The following LRBA variants were observed in gnomAD, a reference collection of about 807,000 sequenced individuals.
LRBA encodes the protein lipopolysaccharide-responsive and beige-like anchor protein.
A neutral mutation model predicts 330.0 loss-of-function variants in LRBA; 176 were observed. That is an observed-to-expected ratio of 0.53 (90% confidence interval 0.47 to 0.60). The LOEUF is 0.60. LRBA is among the 20% of genes least tolerant of loss of function. The pLI, the probability that LRBA is intolerant of heterozygous loss-of-function variation, is 0.00. For missense variants in LRBA, 3,259 were observed against 3,444.8 expected, an observed-to-expected ratio of 0.95 and a Z score of 1.35; for synonymous variants, 1,230 against 1,193.0, an observed-to-expected ratio of 1.03 and a Z score of -0.64.
At chr4:150,319,522 A>T (rs1185652442) in intron 50 of LRBA, among the ~76,000 whole-genome samples, 1 of 152,216 alleles carries the variant, frequency 6.6e-6, no homozygotes, top group Non-Finnish European at 1.5e-5. Flanking sequence ...TGTAATATTT[A>T]GTCCCAAAAT....
chr4:150,802,585 C>A (rs971319670), intron 33 of LRBA, among the ~76,000 whole-genome samples: 36 of 152,114 alleles, frequency 2.4e-4, no homozygotes, highest in African/African-American at 8.4e-4. Context: ...TTAATCCTTA[C>A]AAAGGGTTAT....
At chr4:150,564,796 T>C (rs1319803493) in intron 40 of LRBA, among the ~76,000 whole-genome samples, 1 of 152,112 alleles carries the variant, frequency 6.6e-6, no homozygotes, top group Non-Finnish European at 1.5e-5. Flanking sequence ...TCATCACTGA[T>C]CACTAGAGAA....
At chr4:150,892,339 G>T (rs1260567529) in intron 17 of LRBA, among the ~76,000 whole-genome samples, 1 of 152,132 alleles carries the variant, frequency 6.6e-6, no homozygotes, top group African/African-American at 2.4e-5. Context: ...TATTTGGAGA[G>T]GGAGCCTCTA....
chr4:150,718,966 T>C (rs916290047), intron 36 of LRBA, among the ~76,000 whole-genome samples: 5 of 152,042 alleles, frequency 3.3e-5, no homozygotes, highest in Admixed American at 2.6e-4. Flanking sequence ...TTCATGCTAT[T>C]TTCAAACTTA....
chr4:150,718,660 G>A (rs1289355075), intron 36 of LRBA, among the ~76,000 whole-genome samples: 1 of 152,064 alleles, frequency 6.6e-6, no homozygotes, highest in Non-Finnish European at 1.5e-5. Flanking sequence ...AAAATTTTAA[G>A]TAACAACAAT....
rs10685627 is a variant in LRBA, at chr4:150,592,144, G to GTTTTTTTTTTT, written c.6047-1296_6047-1286dup. 1.1e-3 allele frequency among the ~76,000 whole-genome samples: 71 copies of GTTTTTTTTTTT among 65,188 alleles called. 11 individuals carry two copies. The highest frequency in any genetic ancestry group is 4.0e-3 in the African/African-American group (58 of 14,524). The allele number at this position is 65,188 out of a possible 152,430, so 42.8% of individuals were successfully genotyped here. A position where few individuals can be genotyped will look rare whatever the true frequency, so the allele number is the denominator to read the frequency against. On this transcript the variant is annotated intron_variant, in intron 38 of 56. Coordinates refer to ENST00000651943, the MANE Select transcript of LRBA (RefSeq NM_001364905.1). ...TTGATATGGAAATCGGATGGCTAGG[G>GTTTTTTTTTTT]TTTTTTTTTTTTTTTTTTTTTTTTT...
intron 22 of LRBA, among the ~76,000 whole-genome samples, chr4:150,856,597 A>T (rs1362896736): frequency 2.0e-5 from 3 of 152,212 alleles, no homozygotes; most frequent in Non-Finnish European, 4.4e-5. Flanking sequence ...TAAAATTCTA[A>T]AGTCATTTGG....
At chr4:150,371,835 T>C (rs555467241) in intron 47 of LRBA, among the ~76,000 whole-genome samples, 96 of 152,316 alleles carry the variant, frequency 6.3e-4, no homozygotes, top group African/African-American at 2.2e-3. Context: ...ATCCTAAAAA[T>C]ATTTCCTCAA....
chr4:150,622,977 G>A (rs1235803845), intron 37 of LRBA, among the ~76,000 whole-genome samples: 2 of 152,124 alleles, frequency 1.3e-5, no homozygotes, highest in Non-Finnish European at 2.9e-5. Flanking sequence ...GATTACAGGC[G>A]TGAGCCACCG....
chr4:150,962,625 A>G (rs1375265434), intron 2 of LRBA, among the ~76,000 whole-genome samples: 3 of 149,084 alleles, frequency 2.0e-5, no homozygotes, highest in Non-Finnish European at 4.4e-5. Flanking sequence ...ACTAACTATA[A>G]AAGAATAGCA....
Position 150,777,585 on chromosome 4 carries a change from A to G in LRBA, c.5581-15738T>C, listed in dbSNP as rs143891930. On this transcript the variant is annotated intron_variant, in intron 34 of 56. Coordinates refer to ENST00000651943, the MANE Select transcript of LRBA (RefSeq NM_001364905.1). ...CTAAATAGTTGACAGAAACACTCCT[A>G]GGAGTTCAGGGAGAAAGCCAGGGAG... Among the ~76,000 whole-genome samples the G allele has an allele frequency of 2.6e-5, 4 of 152,280 alleles. No homozygotes were observed. The East Asian group carries it at 7.7e-4, about 29-fold the overall frequency.
chr4:150,403,071 CGGGT>C, intron 47 of LRBA, among the ~76,000 whole-genome samples: 1 of 152,182 alleles, frequency 6.6e-6, no homozygotes, highest in Non-Finnish European at 1.5e-5. Flanking sequence ...AGTCATTTAT[CGGGT>C]AACCCTGTGC....
At position 150,560,681 on chromosome 4, in the gene LRBA, T is replaced by C. The variant is rs750853516; in HGVS notation, c.6330+27367A>G. On this transcript the variant is annotated intron_variant, in intron 40 of 56. Coordinates refer to ENST00000651943, the MANE Select transcript of LRBA (RefSeq NM_001364905.1). ...AGGTCCATATTTATAATTCAAATCA[T>C]TGGCAATTAAAAGCGTTACTATCGG... 2.6e-4 allele frequency among the ~76,000 whole-genome samples: 40 copies of C among 152,270 alleles called. 1 individual carries two copies. Among genetic ancestry groups the C allele is most frequent in the Middle Eastern group, 3.4e-3 (1 of 294 alleles).
rs189944588 is a variant in LRBA, at chr4:150,703,841, G to A, written c.5755-20124C>T. Reference sequence around the variant, plus strand: ...AATTTATCAAGGTTAGATTCTCAAAGAGTCCATTAGCCCAAAAAAAAAAAA... The same window carrying A: ...AATTTATCAAGGTTAGATTCTCAAAAAGTCCATTAGCCCAAAAAAAAAAAA... On this transcript the variant is annotated intron_variant, in intron 36 of 56. Transcript: ENST00000651943. Among the ~76,000 whole-genome samples the A allele has an allele frequency of 3.5e-3, 531 of 150,878 alleles. 2 individuals are homozygous for A. The highest frequency in any genetic ancestry group is 0.012 in the African/African-American group (505 of 41,070).
At chr4:150,689,023 G>A (rs937857760) in intron 36 of LRBA, among the ~76,000 whole-genome samples, 8 of 152,072 alleles carry the variant, frequency 5.3e-5, no homozygotes, top group Admixed American at 2.6e-4. Context: ...TGTTTACTGC[G>A]GCACTATACA....
At chr4:150,278,086 C>T (rs1163978699) in intron 55 of LRBA, 82 bp from the exon 56 acceptor site, 5 of 1,201,752 alleles carry the variant, frequency 4.2e-6, no homozygotes, top group Non-Finnish European at 4.8e-6. Context: ...CATTCTTACA[C>T]CAGCTACTAC....
At chr4:150,548,961 G>C (rs1004100407) in intron 40 of LRBA, among the ~76,000 whole-genome samples, 2 of 152,124 alleles carry the variant, frequency 1.3e-5, no homozygotes, top group Admixed American at 1.3e-4. Context: ...TTTAGTATAA[G>C]AAAGCAGGCT....
chr4:150,807,173 A>G (rs1742918202), intron 32 of LRBA, among the ~76,000 whole-genome samples: 1 of 152,012 alleles, frequency 6.6e-6, no homozygotes, highest in African/African-American at 2.4e-5. Flanking sequence ...CTAACTTACA[A>G]ATTAAACATA....
rs749572803 is a variant in LRBA, at chr4:150,490,963, A to G, written c.6403T>C (p.Tyr2135His). The change falls in exon 41 of 57, where the codon TAT becomes CAT. Residue 2135 changes from tyrosine (Y) to histidine (H), a missense_variant. Transcript: ENST00000651943. ...TCCAGGGCTGTATTTTGCAAAAGAT[A>G]ACGACGAGAAAAGATTGATCGTATC... ...TEIRSIFSRR[Y>H]LLQNTALEIF... 2.2e-5 allele frequency: 36 copies of G among 1,609,928 alleles called. No individual in the cohort carries two copies. The highest frequency in any genetic ancestry group is 5.0e-5 in the Admixed American group (3 of 59,900).
Sources: gnomAD v4.1 joint callset for allele counts (sites outside exome capture counted in the v4.1 genomes callset) on GRCh38, gnomAD v4.1.1 for gene constraint, MANE v1.5 for transcripts, NCBI Gene and HGNC (gene_info 2026-07-23, HGNC 2026-07-21) for gene names.